The following UNC5C variants were observed in gnomAD, a reference collection of about 807,000 sequenced individuals.
UNC5C encodes unc-5 netrin receptor C.
In UNC5C, 47 loss-of-function variants were observed where a neutral mutation model predicts 99.8. The observed-to-expected ratio is 0.47, with a 90% CI of 0.37 to 0.60. The LOEUF is 0.60. UNC5C is among the 20% of genes least tolerant of loss of function. The pLI, the probability that UNC5C is intolerant of heterozygous loss-of-function variation, is 0.00. For synonymous variants in UNC5C, 487 were observed against 452.2 expected, an observed-to-expected ratio of 1.08 and a Z score of -0.98; for missense variants, 1,062 against 1,165.9, an observed-to-expected ratio of 0.91 and a Z score of 1.30.
intron 14 of UNC5C, among the ~76,000 whole-genome samples, chr4:95,173,134 T>C (rs958626786): frequency 1.3e-5 from 2 of 151,732 alleles, no homozygotes; most frequent in African/African-American, 4.9e-5. Context: ...CTTAAGGAGA[T>C]TTTGGACTGA....
intron 1 of UNC5C, among the ~76,000 whole-genome samples, chr4:95,407,760 T>G (rs1410726989): frequency 6.6e-6 from 1 of 152,172 alleles, no homozygotes; most frequent in South Asian, 2.1e-4. Flanking sequence ...CTGTAAACAC[T>G]TAATGCTAAT....
At chr4:95,412,332 C>G (rs1746015601) in intron 1 of UNC5C, among the ~76,000 whole-genome samples, 1 of 152,150 alleles carries the variant, frequency 6.6e-6, no homozygotes, top group Non-Finnish European at 1.5e-5. Flanking sequence ...AGAATGTGCC[C>G]CCTGAACACC....
intron 10 of UNC5C, among the ~76,000 whole-genome samples, chr4:95,208,192 C>T (rs1737948741): frequency 6.6e-6 from 1 of 152,144 alleles, no homozygotes; most frequent in Non-Finnish European, 1.5e-5. Context: ...ATTCATGCCT[C>T]ACAAAATTGT....
intron 1 of UNC5C, among the ~76,000 whole-genome samples, chr4:95,346,473 G>A (rs976990269): frequency 2.6e-5 from 4 of 151,728 alleles, no homozygotes; most frequent in Admixed American, 6.6e-5. Context: ...AAGGACATAC[G>A]GAAGAAATCA....
chr4:95,453,874 A>T (rs2149468410), intron 1 of UNC5C, among the ~76,000 whole-genome samples: 1 of 152,314 alleles, frequency 6.6e-6, no homozygotes, highest in East Asian at 1.9e-4. Context: ...TTCCTCAAGA[A>T]AAATGAGGCA....
chr4:95,176,273 C>G (rs1339386644), intron 14 of UNC5C, among the ~76,000 whole-genome samples: 1 of 152,236 alleles, frequency 6.6e-6, no homozygotes, highest in East Asian at 1.9e-4. Context: ...CAGCTTTGTT[C>G]CATTGCTGGT....
intron 14 of UNC5C, among the ~76,000 whole-genome samples, chr4:95,181,895 G>A (rs780229083): frequency 5.3e-5 from 8 of 152,210 alleles, no homozygotes; most frequent in Non-Finnish European, 8.8e-5. Context: ...CATTGCATTC[G>A]TCACTGTGCA....
At chr4:95,546,412 A>G (rs1723069249) in intron 1 of UNC5C, among the ~76,000 whole-genome samples, 1 of 152,218 alleles carries the variant, frequency 6.6e-6, no homozygotes, top group Admixed American at 6.5e-5. Flanking sequence ...AGTAGCTGAT[A>G]GTGGAGTTTG....
intron 1 of UNC5C, 57 bp from the exon 2 acceptor site, chr4:95,335,688 AC>A (rs1743311687): frequency 7.2e-7 from 1 of 1,389,122 alleles, no homozygotes; most frequent in Non-Finnish European, 9.8e-7. Flanking sequence ...CTTGCCTTCT[AC>A]TTGCTAGTCA....
intron 2 of UNC5C, among the ~76,000 whole-genome samples, chr4:95,326,334 C>T (rs2089066740): frequency 6.6e-6 from 1 of 151,674 alleles, no homozygotes; most frequent in African/African-American, 2.4e-5. Context: ...TTCTAATCTC[C>T]TTTGCTTCTT....
intron 1 of UNC5C, among the ~76,000 whole-genome samples, chr4:95,434,291 A>G (rs867723310): frequency 6.6e-6 from 1 of 152,036 alleles, no homozygotes; most frequent in South Asian, 2.1e-4. Context: ...CAATTTATAA[A>G]TTTATCTTTT....
At chr4:95,402,395 T>G (rs1745725944) in intron 1 of UNC5C, among the ~76,000 whole-genome samples, 1 of 152,242 alleles carries the variant, frequency 6.6e-6, no homozygotes, top group African/African-American at 2.4e-5. Context: ...TCAAGCACAC[T>G]TCTCTCAGGG....
chr4:95,469,019 G>T (rs576954232), intron 1 of UNC5C, among the ~76,000 whole-genome samples: 1 of 152,118 alleles, frequency 6.6e-6, no homozygotes, highest in Non-Finnish European at 1.5e-5. Flanking sequence ...AAGGATCAGG[G>T]GTTAACTGCT....
At chr4:95,447,893 T>G (rs1324096007) in intron 1 of UNC5C, among the ~76,000 whole-genome samples, 1 of 152,090 alleles carries the variant, frequency 6.6e-6, no homozygotes, top group Non-Finnish European at 1.5e-5. Context: ...AGAGGAAACC[T>G]GTAGGAAAGG....
chr4:95,275,085 A>G (rs1198095814), intron 4 of UNC5C, among the ~76,000 whole-genome samples: 2 of 148,804 alleles, frequency 1.3e-5, no homozygotes, highest in Non-Finnish European at 2.9e-5. Flanking sequence ...ATGACTTGCT[A>G]TAAATAGTTT....
chr4:95,388,558 G>A (rs909786661), intron 1 of UNC5C, among the ~76,000 whole-genome samples: 5 of 152,118 alleles, frequency 3.3e-5, no homozygotes, highest in African/African-American at 9.7e-5. Flanking sequence ...CAATGGTCAC[G>A]TACAGTATTT....
At chr4:95,515,127 A>G (rs529341515) in intron 1 of UNC5C, among the ~76,000 whole-genome samples, 1 of 152,342 alleles carries the variant, frequency 6.6e-6, no homozygotes, top group South Asian at 2.1e-4. Context: ...TACTTTATAT[A>G]TGTAACATGG....
At chr4:95,353,648 T>C in intron 1 of UNC5C, among the ~76,000 whole-genome samples, 1 of 151,850 alleles carries the variant, frequency 6.6e-6, no homozygotes, top group Non-Finnish European at 1.5e-5. Flanking sequence ...ATTTATAATA[T>C]TGCAAACTAT....
At chr4:95,400,347 T>C (rs981777087) in intron 1 of UNC5C, among the ~76,000 whole-genome samples, 58 of 149,724 alleles carry the variant, frequency 3.9e-4, no homozygotes, top group African/African-American at 1.3e-3. Flanking sequence ...AGCGAGAAAA[T>C]GTGGCCCGTA....
Sources: gnomAD v4.1 joint callset for allele counts (sites outside exome capture counted in the v4.1 genomes callset) on GRCh38, gnomAD v4.1.1 for gene constraint, MANE v1.5 for transcripts, NCBI Gene and HGNC (gene_info 2026-07-23, HGNC 2026-07-21) for gene names.